The following CD38 variants were observed in gnomAD, a reference collection of about 807,000 sequenced individuals.
The protein encoded by CD38 is CD38 molecule, also known as ADP-ribosyl cyclase/cyclic ADP-ribose hydrolase 1.
A neutral mutation model predicts 36.3 loss-of-function variants in CD38; 31 were observed. The observed-to-expected ratio is 0.85, with a 90% CI of 0.64 to 1.15. The LOEUF is 1.15. Among genes scored for constraint, CD38 ranks in the 50% most tolerant of loss-of-function variants. The pLI is 0.00. For synonymous variants in CD38, 131 were observed against 135.2 expected (o/e 0.97, Z 0.22); for missense variants, 380 against 371.9 (o/e 1.02, Z -0.18).
rs967021264 is a variant in CD38 at position 15,778,531 on chromosome 4, C to T, written c.117C>T (p.Leu39=). ...TGGTCCTGATCCTCGTCGTGGTGCT[C>T]GCGGTGGTCGTCCCGAGGTGGCGCC... ...SILVLILVVV[L]AVVVPRWRQQ... is the part of the protein sequence containing the mutation. The change falls in exon 1 of 8, where the codon CTC becomes CTT. Residue 39 remains leucine, a synonymous_variant. Coordinates refer to ENST00000226279, the MANE Select transcript of CD38 (RefSeq NM_001775.4). This position sits in a 1 kb window ranked among gnomAD's most constrained non-coding sequence, Gnocchi z 4.9. 3.1e-6 allele frequency: 5 copies of T among 1,613,348 alleles called. No individual in the cohort carries two copies. The highest frequency in any genetic ancestry group is 4.2e-6 in the Non-Finnish European group (5 of 1,179,946).
intron 1 of CD38, among the ~76,000 whole-genome samples, chr4:15,799,405 A>G (rs1474778963): frequency 6.6e-6 from 1 of 152,196 alleles, no homozygotes; most frequent in Non-Finnish European, 1.5e-5. Context: ...TAAATTACTA[A>G]TGCTTTGATA....
At chr4:15,831,227 C>G (rs1259299456) in intron 3 of CD38, among the ~76,000 whole-genome samples, 1 of 152,070 alleles carries the variant, frequency 6.6e-6, no homozygotes, top group African/African-American at 2.4e-5. Flanking sequence ...TCTTATTGTA[C>G]TTTATATGTC....
rs139655522 is a variant in CD38, at chr4:15,840,107, A to G, written c.741A>G (p.Arg247=). 321 of 1,604,138 alleles carry G rather than the reference A, an allele frequency of 2.0e-4. 1 individual carries two copies. Among genetic ancestry groups the G allele is most frequent in the Admixed American group, 3.2e-4 (19 of 60,012 alleles). The part of the protein sequence containing the change: ...TLEAWVIHGG[R]EDSRDLCQDP... Reference sequence around the variant, plus strand: ...AGGCCTGGGTGATACATGGTGGAAGAGAAGATTCCAGGTATATCTTACTAC... The same window carrying G: ...AGGCCTGGGTGATACATGGTGGAAGGGAAGATTCCAGGTATATCTTACTAC... The change falls in exon 6 of 8, where the codon AGA becomes AGG. Residue 247 remains arginine, a synonymous_variant. Coordinates refer to ENST00000226279, the MANE Select transcript of CD38 (RefSeq NM_001775.4).
At chr4:15,780,503 A>G (rs1722666283) in intron 1 of CD38, among the ~76,000 whole-genome samples, 1 of 137,094 alleles carries the variant, frequency 7.3e-6, no homozygotes, top group Non-Finnish European at 1.5e-5. Context: ...TATATTTTAG[A>G]TAATATTCTC....
intron 1 of CD38, among the ~76,000 whole-genome samples, chr4:15,815,018 G>A (rs1469546429): frequency 6.6e-6 from 1 of 152,052 alleles, no homozygotes; most frequent in Non-Finnish European, 1.5e-5. Flanking sequence ...TGTTGGTCAG[G>A]CTTGTCTCGA....
At position 15,850,228 on chromosome 4, in the gene CD38, G is replaced by C. The variant is rs749455330; in HGVS notation, c.*1626G>C. On this transcript the variant is annotated 3_prime_UTR_variant, in exon 8 of 8. Transcript: ENST00000226279. The stretch of plus-strand genomic sequence containing the variant: ...GTGGGAGGATTGTTTGAGCTTGGGA[G>C]GTTGAGGCTGCAGGGAGCTGTGATC... 4.6e-5 allele frequency: 7 copies of C among 152,284 alleles called. No homozygotes were observed. The highest frequency in any genetic ancestry group is 1.0e-4 in the Non-Finnish European group (7 of 68,118). 9.4% of individuals were successfully genotyped at this position (152,284 alleles called of 1,614,324 possible). A position where few individuals can be genotyped will look rare whatever the true frequency, so the allele number is the denominator to read the frequency against.
intron 1 of CD38, among the ~76,000 whole-genome samples, chr4:15,797,933 G>A (rs1278595521): frequency 6.6e-6 from 1 of 152,074 alleles, no homozygotes; most frequent in Admixed American, 6.5e-5. Flanking sequence ...TGAGGTACTG[G>A]GTGTTAGGAT....
At chr4:15,818,323 G>A (rs939780983) in intron 2 of CD38, among the ~76,000 whole-genome samples, 3 of 152,148 alleles carry the variant, frequency 2.0e-5, no homozygotes, top group Non-Finnish European at 2.9e-5. Context: ...TGAAGGAAAG[G>A]TAACAACCCC....
intron 1 of CD38, among the ~76,000 whole-genome samples, chr4:15,800,211 G>A (rs112740829): frequency 6.6e-6 from 1 of 152,268 alleles, no homozygotes; most frequent in African/African-American, 2.4e-5. Flanking sequence ...TCACAGGTTC[G>A]TTTTCTCTAA....
chr4:15,800,024 T>C (rs547697869), intron 1 of CD38, among the ~76,000 whole-genome samples: 1 of 151,882 alleles, frequency 6.6e-6, no homozygotes, highest in Non-Finnish European at 1.5e-5. Context: ...ACTCGGGGGG[T>C]ATGCCTGCAG....
intron 1 of CD38, among the ~76,000 whole-genome samples, chr4:15,790,560 C>A (rs7674345): frequency 4.0e-5 from 6 of 150,478 alleles, no homozygotes; most frequent in African/African-American, 9.8e-5. Context: ...CCTTGGCCCC[C>A]CAAAGTGCCG....
In CD38 at chr4:15,814,379, A is replaced by T. The variant is rs566600102; in HGVS notation, c.234-2132A>T. On this transcript the variant is annotated intron_variant, in intron 1 of 7. Coordinates refer to ENST00000226279, the MANE Select transcript of CD38 (RefSeq NM_001775.4). ...GGATAGATTGCAAAAAATTTCTCCC[A>T]TTCTGTAGGTTGCCTGTTCACTCTG... is the stretch of plus-strand genomic sequence containing the variant. Among the ~76,000 whole-genome samples the T allele has an allele frequency of 5.9e-5, 9 of 152,198 alleles. No homozygotes were observed. The South Asian group carries it at 1.9e-3, about 32-fold the overall frequency.
At chr4:15,828,450 A>T (rs530039615) in intron 3 of CD38, among the ~76,000 whole-genome samples, 15 of 152,242 alleles carry the variant, frequency 9.9e-5, no homozygotes, top group South Asian at 4.2e-4. Context: ...TCTAACTGAG[A>T]TTTTGTACTC....
rs1325533591 is a variant in CD38, at chr4:15,778,533, C to T, written c.119C>T (p.Ala40Val). 6.2e-7 allele frequency: 1 copy of T among 1,613,384 alleles called. No individual in the cohort carries two copies. ...ILVLILVVVL[A>V]VVVPRWRQQW... ...GTCCTGATCCTCGTCGTGGTGCTCG[C>T]GGTGGTCGTCCCGAGGTGGCGCCAG... is the stretch of plus-strand genomic sequence containing the variant. Residue 40 changes from alanine to valine, a missense_variant, in exon 1 of 8, where the codon GCG (alanine) becomes GTG (valine). Physicochemically the swap from Ala to Val is moderately conservative, Grantham distance 64. Coordinates refer to ENST00000226279, the MANE Select transcript of CD38 (RefSeq NM_001775.4). The surrounding 1 kb of genome is among the most constrained non-coding windows in gnomAD (Gnocchi z 4.9).
chr4:15,850,578 T>A lies in CD38; in HGVS notation c.*1976T>A, dbSNP rs1724362822. On this transcript the variant is annotated 3_prime_UTR_variant, in exon 8 of 8. Coordinates refer to ENST00000226279, the MANE Select transcript of CD38 (RefSeq NM_001775.4). ...CAAAAATTGAGTCCAGCACAGAGCTTCCTAAATAAGCAAGCACTCAACAGA... is the reference window on the plus strand; with the variant it reads ...CAAAAATTGAGTCCAGCACAGAGCTACCTAAATAAGCAAGCACTCAACAGA... 6.6e-6 allele frequency: 1 copy of A among 152,144 alleles called. No individual in the cohort carries two copies. The highest frequency in any genetic ancestry group is 1.5e-5 in the Non-Finnish European group (1 of 68,030). The allele number at this position is 152,144 out of a possible 1,614,324, so 9.4% of individuals were successfully genotyped here. A position where few individuals can be genotyped will look rare whatever the true frequency, so the allele number is the denominator to read the frequency against.
At chr4:15,780,518 T>TCA (rs59324393) in intron 1 of CD38, among the ~76,000 whole-genome samples, 2,926 of 140,002 alleles carry the variant, frequency 0.021, 33 homozygotes, top group Non-Finnish European at 0.029. Context: ...ATTCTCTCTC[T>TCA]CACACACACA....
intron 1 of CD38, among the ~76,000 whole-genome samples, chr4:15,795,821 G>A (rs147946505): frequency 8.1e-4 from 123 of 152,198 alleles, no homozygotes; most frequent in African/African-American, 2.6e-3. Flanking sequence ...GTCTTTGGAT[G>A]TTTTGAAGCA....
chr4:15,813,193 T>C (rs1297383594), intron 1 of CD38, among the ~76,000 whole-genome samples: 1 of 152,232 alleles, frequency 6.6e-6, no homozygotes, highest in Non-Finnish European at 1.5e-5. Flanking sequence ...CTTTGGACTG[T>C]ACTTGATTTT....
At chr4:15,813,925 T>C (rs991834289) in intron 1 of CD38, among the ~76,000 whole-genome samples, 1 of 152,204 alleles carries the variant, frequency 6.6e-6, no homozygotes, top group African/African-American at 2.4e-5. Context: ...GGATGTGTCT[T>C]TATAGTACAA....
Sources: allele counts gnomAD v4.1 joint callset (sites outside exome capture counted in the v4.1 genomes callset), GRCh38; gene constraint gnomAD v4.1.1; non-coding constraint Gnocchi (gnomAD v3.1); transcripts MANE v1.5; gene names NCBI Gene and HGNC (gene_info 2026-07-23, HGNC 2026-07-21).